PLCZ1: variants seen among roughly 807,000 people sequenced by gnomAD.
The protein encoded by PLCZ1 is phospholipase C zeta 1, also known as 1-phosphatidylinositol 4,5-bisphosphate phosphodiesterase zeta-1.
In PLCZ1, 64 loss-of-function variants were observed where a neutral mutation model predicts 76.8. The ratio of observed to expected loss-of-function variants is 0.83; its 90% confidence interval spans 0.68 to 1.03. The LOEUF (loss-of-function observed/expected upper bound fraction) is 1.03, where lower values mean the gene tolerates loss of function less well. PLCZ1 is among the 50% of genes least tolerant of loss of function. The pLI, the probability that PLCZ1 is intolerant of heterozygous loss-of-function variation, is 0.00. For synonymous variants in PLCZ1, 248 were observed against 230.8 expected (o/e 1.07, Z -0.68); for missense variants, 751 against 713.7 (o/e 1.05, Z -0.60).
chr12:18,702,479 T>C (rs1291693268), intron 7 of PLCZ1, among the ~76,000 whole-genome samples: 1 of 152,160 alleles, frequency 6.6e-6, no homozygotes, highest in Non-Finnish European at 1.5e-5. Context: ...TGCTGAAATC[T>C]GGGTTATAAA....
chr12:18,682,331 ATTAG>A (rs1173753553), downstream of PLCZ1, among the ~76,000 whole-genome samples: 3 of 152,098 alleles, frequency 2.0e-5, no homozygotes, highest in East Asian at 1.9e-4. Context: ...TATTTTAGTT[ATTAG>A]TTAGGATTCC....
In PLCZ1 at chr12:18,695,129, A is replaced by T. The variant is rs1954776125; in HGVS notation, c.1292-50T>A. On this transcript the variant is annotated intron_variant, in intron 11 of 14. Transcript: ENST00000266505. ...TTGTCAGGTAATAGAGAATACAAAT[A>T]AAGGAACACAAACCACTTACTGAAA... 5 of 1,540,850 alleles carry T rather than the reference A, an allele frequency of 3.2e-6. No homozygotes were observed. The East Asian group carries it at 1.1e-4, about 35-fold the overall frequency.
the PLCZ1 span, among the ~76,000 whole-genome samples, chr12:18,659,789 G>A: frequency 6.0e-5 from 9 of 150,618 alleles, no homozygotes; most frequent in Non-Finnish European, 1.0e-4. Context: ...TCGTTATTTA[G>A]CATTATGTAT....
chr12:18,653,417 G>A, the PLCZ1 span, among the ~76,000 whole-genome samples: 4 of 152,130 alleles, frequency 2.6e-5, no homozygotes, highest in Non-Finnish European at 5.9e-5. Context: ...TACTCTCAAT[G>A]CAATGGGCTT....
chr12:18,730,055 T>G (rs1223602134), intron 3 of PLCZ1, among the ~76,000 whole-genome samples: 1 of 152,098 alleles, frequency 6.6e-6, no homozygotes, highest in Non-Finnish European at 1.5e-5. Flanking sequence ...AACAATCATG[T>G]GAGATAGCTA....
At chr12:18,725,151 C>T (rs1958678003) in intron 3 of PLCZ1, among the ~76,000 whole-genome samples, 1 of 151,970 alleles carries the variant, frequency 6.6e-6, no homozygotes, top group African/African-American at 2.4e-5. Flanking sequence ...GAAAACCACA[C>T]AGAATAGTGA....
rs1303085960 is a variant in PLCZ1, at chr12:18,736,335, C to CA, written c.20dup (p.Leu7PhefsTer7). 3 of 1,611,746 alleles carry CA rather than the reference C, an allele frequency of 1.9e-6. No homozygotes were observed. The highest frequency in any genetic ancestry group is 3.3e-5 in the Admixed American group (2 of 59,922). Reference sequence around the variant, plus strand: ...CTCTGAAGTCATCCTGAATCTTTGACAAAAACCATGTAGAAGCACAAAAAA... The same window carrying CA: ...CTCTGAAGTCATCCTGAATCTTTGACAAAAAACCATGTAGAAGCACAAAAAA... On this transcript the variant is annotated frameshift_variant, in exon 3 of 15. Transcript: ENST00000266505. LOFTEE classifies it high-confidence loss of function.
At chr12:18,692,884 A>C in intron 12 of PLCZ1, 2 of 1,602,382 alleles carry the variant, frequency 1.2e-6, no homozygotes, top group Non-Finnish European at 1.7e-6. Context: ...GTGGGGAAAA[A>C]GAAGAAGAAA....
intron 6 of PLCZ1, among the ~76,000 whole-genome samples, chr12:18,708,879 G>A (rs1270096393): frequency 3.3e-5 from 5 of 151,972 alleles, no homozygotes; most frequent in African/African-American, 1.2e-4. Context: ...CTAATGAGTT[G>A]TATGAATTCT....
At chr12:18,679,376 C>T (rs1276515968), downstream of PLCZ1, among the ~76,000 whole-genome samples, 2 of 152,110 alleles carry the variant, frequency 1.3e-5, no homozygotes, top group Non-Finnish European at 2.9e-5. Flanking sequence ...TATCCCAAGA[C>T]TACAAAGATA....
the PLCZ1 span, among the ~76,000 whole-genome samples, chr12:18,665,580 G>A: frequency 6.6e-6 from 1 of 152,094 alleles, no homozygotes; most frequent in East Asian, 1.9e-4. Context: ...ATCACCTGAG[G>A]TCGGGAGTTG....
At chr12:18,709,841 C>T (rs1957075582) in intron 6 of PLCZ1, among the ~76,000 whole-genome samples, 1 of 152,022 alleles carries the variant, frequency 6.6e-6, no homozygotes, top group African/African-American at 2.4e-5. Context: ...TTCTTTCATC[C>T]ATGTTTTATA....
chr12:18,723,265 A>T (rs1176589514), intron 4 of PLCZ1, 46 bp downstream of exon 4: 2 of 1,499,404 alleles, frequency 1.3e-6, no homozygotes, highest in Admixed American at 3.9e-5. Context: ...AAGAAAAAAT[A>T]CTTCACATAT....
At chr12:18,692,373 A>G (rs1293791012) in intron 12 of PLCZ1, among the ~76,000 whole-genome samples, 1 of 152,218 alleles carries the variant, frequency 6.6e-6, no homozygotes, top group Non-Finnish European at 1.5e-5. Flanking sequence ...AAAAGCAACT[A>G]GAGGTTTTTC....
chr12:18,661,059 TAG>T, the PLCZ1 span, among the ~76,000 whole-genome samples: 1 of 152,104 alleles, frequency 6.6e-6, no homozygotes, highest in Non-Finnish European at 1.5e-5. Context: ...TATGAGCAGT[TAG>T]AAGAATTGAT....
intron 2 of PLCZ1, 28 bp from the exon 3 acceptor site, chr12:18,736,372 T>C: frequency 6.2e-7 from 1 of 1,604,544 alleles, no homozygotes; most frequent in African/African-American, 1.3e-5. Flanking sequence ...TTAAGGAAAT[T>C]CTCACAGAAA....
chr12:18,692,834 G>C, intron 12 of PLCZ1: 30 of 1,580,324 alleles, frequency 1.9e-5, no homozygotes, highest in Non-Finnish European at 2.6e-5. Flanking sequence ...AACAACTCAA[G>C]GACAAGAAAA....
At chr12:18,667,975 CA>C in the PLCZ1 span, among the ~76,000 whole-genome samples, 16 of 151,440 alleles carry the variant, frequency 1.1e-4, no homozygotes, top group Admixed American at 5.9e-4. Flanking sequence ...GCAACAACAA[CA>C]AAAAAAAAAG....
rs1051183076 is a variant in PLCZ1 at position 18,705,161 on chromosome 12, G to A, written c.864+5C>T. 7.4e-6 allele frequency: 12 copies of A among 1,613,756 alleles called. No individual in the cohort carries two copies. Among genetic ancestry groups the A allele is most frequent in the African/African-American group, 1.3e-5 (1 of 74,884 alleles). ...TAACCTGAGTTTCTCAGAAAAAAATGTTACCTCTGGTGATGGTAGAGTATC... is the reference window on the plus strand; with the variant it reads ...TAACCTGAGTTTCTCAGAAAAAAATATTACCTCTGGTGATGGTAGAGTATC... On this transcript the variant is annotated splice_donor_5th_base_variant and intron_variant, in intron 7 of 14. Transcript: ENST00000266505.
Sources: gnomAD v4.1 joint callset for allele counts (sites outside exome capture counted in the v4.1 genomes callset) on GRCh38, gnomAD v4.1.1 for gene constraint, MANE v1.5 for transcripts, NCBI Gene and HGNC (gene_info 2026-07-23, HGNC 2026-07-21) for gene names.